LRFN5: variants seen among roughly 807,000 people sequenced by gnomAD.
LRFN5 encodes leucine-rich repeat and fibronectin type-III domain-containing protein 5.
In LRFN5, 24 loss-of-function variants were observed where a neutral mutation model predicts 45.6. That is an observed-to-expected ratio of 0.53 (90% CI 0.38 to 0.74). LRFN5 has a LOEUF of 0.74. Ranked by LOEUF, LRFN5 falls within the 30% of genes least tolerant of loss-of-function variation. The pLI is 0.00. For missense variants in LRFN5, 776 were observed against 861.5 expected (o/e 0.90, Z 1.24); for synonymous variants, 340 against 313.8 (o/e 1.08, Z -0.88).
chr14:41,696,803 C>T (rs1566625550), intron 1 of LRFN5, among the ~76,000 whole-genome samples: 2 of 151,896 alleles, frequency 1.3e-5, no homozygotes, highest in East Asian at 1.9e-4. Context: ...CTTCAGTTTG[C>T]ATTTCTCTAG....
At chr14:41,830,993 A>G (rs1236419259) in intron 2 of LRFN5, among the ~76,000 whole-genome samples, 1 of 152,296 alleles carries the variant, frequency 6.6e-6, no homozygotes, top group African/African-American at 2.4e-5. Context: ...TATACTAGAA[A>G]TTCTGGGAAA....
At chr14:41,869,496 A>T (rs911975744) in intron 2 of LRFN5, among the ~76,000 whole-genome samples, 29 of 151,842 alleles carry the variant, frequency 1.9e-4, no homozygotes, top group African/African-American at 4.8e-4. Flanking sequence ...CAAATTATCT[A>T]GCCTGGCGTT....
At chr14:41,609,902 A>T (rs1887670239) in intron 1 of LRFN5, among the ~76,000 whole-genome samples, 1 of 152,200 alleles carries the variant, frequency 6.6e-6, no homozygotes, top group South Asian at 2.1e-4. Flanking sequence ...TATCCATATG[A>T]TGGCATTTGC....
chr14:41,688,661 C>T (rs1006489764), intron 1 of LRFN5, among the ~76,000 whole-genome samples: 1 of 149,160 alleles, frequency 6.7e-6, no homozygotes, highest in Non-Finnish European at 1.5e-5. Context: ...AATTCGAGAT[C>T]AATGGGAAAA....
At chr14:41,699,285 T>C (rs1247296469) in intron 1 of LRFN5, 1 of 152,116 alleles carries the variant, frequency 6.6e-6, no homozygotes. Flanking sequence ...GGTCCACACT[T>C]ACCGCAGCAA....
chr14:41,703,450 C>G (rs1882919879), intron 1 of LRFN5, among the ~76,000 whole-genome samples: 1 of 148,760 alleles, frequency 6.7e-6, no homozygotes, highest in Non-Finnish European at 1.5e-5. Flanking sequence ...TTATTCCATT[C>G]TGACTATTTA....
rs1890786211 is a variant in LRFN5 at position 41,891,651 on chromosome 14, A to G, written c.1787A>G (p.His596Arg). ...TCCGTGTCCAAACAAGCTGTGGGAC[A>G]CGAAGAGAATGCCCAGTGTTGTAAA... ...PQSVSKQAVGHEENAQCCKAT... is the reference protein window; with the variant it reads ...PQSVSKQAVGREENAQCCKAT... The change falls in exon 4 of 6, where the codon CAC (histidine) becomes CGC (arginine). Residue 596 changes from histidine to arginine, a missense_variant. By Grantham distance (29) the His-to-Arg change is conservative. Transcript: ENST00000298119. 1 of 1,614,230 alleles carries G rather than the reference A, an allele frequency of 6.2e-7. No homozygotes were observed. Among genetic ancestry groups the G allele is most frequent in the Non-Finnish European group, 8.5e-7 (1 of 1,180,042 alleles).
chr14:41,792,874 A>G (rs908653316), intron 2 of LRFN5, among the ~76,000 whole-genome samples: 2 of 152,016 alleles, frequency 1.3e-5, no homozygotes, highest in African/African-American at 4.8e-5. Flanking sequence ...GACAGGCATA[A>G]CAAATTATAA....
chr14:41,709,415 A>G (rs1883196257), intron 1 of LRFN5, among the ~76,000 whole-genome samples: 1 of 152,080 alleles, frequency 6.6e-6, no homozygotes, highest in African/African-American at 2.4e-5. Context: ...TTTGAGGACT[A>G]GAACTTGAAA....
intron 1 of LRFN5, among the ~76,000 whole-genome samples, chr14:41,715,518 T>G (rs896385158): frequency 1.3e-5 from 2 of 152,318 alleles, no homozygotes; most frequent in East Asian, 3.9e-4. Context: ...AGATGGACAC[T>G]TTTTTCAGAA....
At chr14:41,853,603 G>A (rs1431538130) in intron 2 of LRFN5, among the ~76,000 whole-genome samples, 9 of 151,934 alleles carry the variant, frequency 5.9e-5, no homozygotes, top group African/African-American at 2.2e-4. Flanking sequence ...TTATATTTGA[G>A]ATATTATTAA....
At chr14:41,884,686 G>A (rs1327935628) in intron 2 of LRFN5, among the ~76,000 whole-genome samples, 1 of 152,078 alleles carries the variant, frequency 6.6e-6, no homozygotes, top group African/African-American at 2.4e-5. Flanking sequence ...TCTCCACCTG[G>A]CAGCCTCCAT....
At chr14:41,825,086 AT>A (rs997740610) in intron 2 of LRFN5, among the ~76,000 whole-genome samples, 1 of 152,168 alleles carries the variant, frequency 6.6e-6, no homozygotes, top group African/African-American at 2.4e-5. Context: ...CCCAGAACAG[AT>A]AGCTCTGCAG....
chr14:41,673,563 G>A (rs1176319830), intron 1 of LRFN5, among the ~76,000 whole-genome samples: 10 of 147,774 alleles, frequency 6.8e-5, no homozygotes, highest in African/African-American at 2.5e-4. Context: ...GCGGCTGGCC[G>A]GGCAGGGGGT....
chr14:41,789,575 G>T (rs1566442851), intron 2 of LRFN5, among the ~76,000 whole-genome samples: 2 of 151,868 alleles, frequency 1.3e-5, no homozygotes, highest in Admixed American at 1.3e-4. Flanking sequence ...TTCTACAAAG[G>T]CTACTCTACC....
At chr14:41,863,839 C>G (rs1416378913) in intron 2 of LRFN5, among the ~76,000 whole-genome samples, 1 of 152,036 alleles carries the variant, frequency 6.6e-6, no homozygotes, top group Non-Finnish European at 1.5e-5. Context: ...CCCTAGCCCC[C>G]AACCCCCAAC....
chr14:41,886,817 A>T lies in LRFN5; in HGVS notation c.192A>T (p.Thr64=). The change falls in exon 3 of 6, where the codon ACA becomes ACT. Residue 64 remains threonine (T), a synonymous_variant. Transcript: ENST00000298119. ...TGCGGTTGGCAGACAATTTTGTTAC[A>T]AATATTAAAAGGAAAGATTTTGCCA... ...VELRLADNFV[T]NIKRKDFANM... 6.2e-7 allele frequency: 1 copy of T among 1,614,048 alleles called. No homozygotes were observed. Among genetic ancestry groups the T allele is most frequent in the Non-Finnish European group, 8.5e-7 (1 of 1,179,978 alleles).
At chr14:41,640,030 G>A (rs1226731924) in intron 1 of LRFN5, among the ~76,000 whole-genome samples, 1 of 143,716 alleles carries the variant, frequency 7.0e-6, no homozygotes, top group Non-Finnish European at 1.5e-5. Flanking sequence ...AAACTCCTGG[G>A]CATAAGCAAT....
At chr14:41,617,372 A>G (rs1887963196) in intron 1 of LRFN5, among the ~76,000 whole-genome samples, 2 of 152,112 alleles carry the variant, frequency 1.3e-5, no homozygotes, top group African/African-American at 2.4e-5. Context: ...TACAGCTAAG[A>G]TGATAGGGCT....
Sources: gnomAD v4.1 joint callset for allele counts (sites outside exome capture counted in the v4.1 genomes callset) on GRCh38, gnomAD v4.1.1 for gene constraint, MANE v1.5 for transcripts, NCBI Gene and HGNC (gene_info 2026-07-23, HGNC 2026-07-21) for gene names.